SLC5A10: variants seen among roughly 807,000 people sequenced by gnomAD.
SLC5A10 encodes the protein solute carrier family 5 member 10.
A neutral mutation model predicts 68.9 loss-of-function variants in SLC5A10; 55 were observed. That is an observed-to-expected ratio of 0.80 (90% CI 0.64 to 1.00). The LOEUF (loss-of-function observed/expected upper bound fraction) is 1.00. Ranked by LOEUF, SLC5A10 falls within the 50% of genes least tolerant of loss-of-function variation. SLC5A10 has a pLI of 0.00. For missense variants in SLC5A10, 732 were observed against 819.3 expected (o/e 0.89, Z 1.30); for synonymous variants, 344 against 344.8 (o/e 1.00, Z 0.02).
rs1168277674 is a variant in SLC5A10, at chr17:19,017,125, G to A, written c.1241+1926G>A. Among the ~76,000 whole-genome samples the A allele has an allele frequency of 6.6e-6, 1 of 152,234 alleles. No individual in the cohort carries two copies. The highest frequency in any genetic ancestry group is 1.5e-5 in the Non-Finnish European group (1 of 68,040). ...CGCCCCTAGCCCTGCAAGCCTGGCA[G>A]TCGGCCTCCCTGAGGAGCAAGGCAC... On this transcript the variant is annotated intron_variant, in intron 11 of 14. Transcript: ENST00000395645. The surrounding 1 kb of genome is among the most constrained non-coding windows in gnomAD (Gnocchi z 5.6).
intron 11 of SLC5A10, 56 bp downstream of exon 11, chr17:19,015,255 G>C: frequency 8.2e-7 from 1 of 1,216,656 alleles, no homozygotes; most frequent in South Asian, 1.5e-5. Context: ...GTGGGCGCCC[G>C]CACTGACTTT....
intron 5 of SLC5A10, among the ~76,000 whole-genome samples, chr17:18,966,767 C>CA (rs1035157739): frequency 1.5e-5 from 2 of 136,916 alleles, no homozygotes; most frequent in Admixed American, 7.4e-5. Flanking sequence ...AAAAAAAAAA[C>CA]AACACTCTGC....
rs968031888 is a variant in SLC5A10 at position 18,977,521 on chromosome 17, G to A, written c.982+532G>A. ...ATGGTAGCCCAGAAGACAACAGCTC[G>A]AGCTCTTGGGTGGCTGGCAGGGAGG... On this transcript the variant is annotated intron_variant, in intron 9 of 14. Transcript: ENST00000395645. 24 of 1,494,196 alleles carry A rather than the reference G, an allele frequency of 1.6e-5. 1 individual carries two copies. Among genetic ancestry groups the A allele is most frequent in the Middle Eastern group, 3.5e-4 (2 of 5,742 alleles). 92.6% of individuals were successfully genotyped at this position (1,494,196 alleles called of 1,614,324 possible).
At chr17:18,988,526 T>C in intron 9 of SLC5A10, 1 of 1,522,784 alleles carries the variant, frequency 6.6e-7, no homozygotes, top group East Asian at 2.3e-5. Context: ...AGGTGCCCAC[T>C]CTGGCCCTAC....
At chr17:18,959,744 G>A (rs2151993267) in intron 4 of SLC5A10, 81 bp downstream of exon 4, 1 of 1,312,688 alleles carries the variant, frequency 7.6e-7, no homozygotes, top group East Asian at 2.3e-5. Context: ...GACCACCGTG[G>A]CCTCACATCA....
intron 9 of SLC5A10, among the ~76,000 whole-genome samples, chr17:18,983,807 C>A (rs568697591): frequency 2.7e-4 from 41 of 152,300 alleles, no homozygotes; most frequent in African/African-American, 9.9e-4. Flanking sequence ...AAGTATGTGA[C>A]GGCATGTAGG....
chr17:19,006,033 G>A (rs550846570), intron 9 of SLC5A10, among the ~76,000 whole-genome samples: 1 of 152,294 alleles, frequency 6.6e-6, no homozygotes, highest in Admixed American at 6.5e-5. Flanking sequence ...AATGCACAGA[G>A]GCTGGAGAGT....
At chr17:18,998,621 ACT>A (rs2043632587) in intron 9 of SLC5A10, among the ~76,000 whole-genome samples, 1 of 152,086 alleles carries the variant, frequency 6.6e-6, no homozygotes. Context: ...ACGGGCAGGC[ACT>A]CTCTCCTTAG....
At chr17:18,956,647 T>G (rs930435321) in intron 1 of SLC5A10, among the ~76,000 whole-genome samples, 10 of 151,980 alleles carry the variant, frequency 6.6e-5, no homozygotes, top group Non-Finnish European at 1.3e-4. Flanking sequence ...CAGCTAATTT[T>G]AAAACTTTTT....
chr17:18,952,551 T>C, intron 1 of SLC5A10: 1 of 476,312 alleles, frequency 2.1e-6, no homozygotes, highest in Non-Finnish European at 3.8e-6. Context: ...GGAAATTCTC[T>C]CTAACAGGTA....
chr17:19,013,218 G>A, intron 9 of SLC5A10, 192 bp from the exon 10 acceptor site: 1 of 804,058 alleles, frequency 1.2e-6, no homozygotes, highest in Non-Finnish European at 1.8e-6. Context: ...AGAACAGCAG[G>A]GAAAAGGATT....
chr17:19,018,527 C>G lies in SLC5A10; in HGVS notation c.1242-896C>G, dbSNP rs2044186760. 6.6e-6 allele frequency: 1 copy of G among 152,304 alleles called. No individual in the cohort carries two copies. Among genetic ancestry groups the G allele is most frequent in the African/African-American group, 2.4e-5 (1 of 41,436 alleles). The allele number at this position is 152,304 out of a possible 1,614,324, so 9.4% of individuals were successfully genotyped here. ...GCAGGCACCAGGTCCCACTCATCGCCGAGTTGGGGATCCTAGGGTAGTGTC... is the reference window on the plus strand; with the variant it reads ...GCAGGCACCAGGTCCCACTCATCGCGGAGTTGGGGATCCTAGGGTAGTGTC... On this transcript the variant is annotated intron_variant, in intron 11 of 14. Coordinates refer to ENST00000395645, the MANE Select transcript of SLC5A10 (RefSeq NM_001042450.4). The surrounding 1 kb of genome is among the most constrained non-coding windows in gnomAD (Gnocchi z 4.2).
In SLC5A10 at chr17:19,015,042, AC is replaced by A. The variant is rs2044105076; in HGVS notation, c.1091-3del. On this transcript the variant is annotated splice_polypyrimidine_tract_variant and splice_region_variant and intron_variant, in intron 10 of 14. Coordinates refer to ENST00000395645, the MANE Select transcript of SLC5A10 (RefSeq NM_001042450.4). The stretch of plus-strand genomic sequence containing the variant: ...GACAGGGTCACACATCCCCCGTCCC[AC>A]CCCAGGTCTGCGGGGGCTGATGATC... 6.2e-7 allele frequency: 1 copy of A among 1,611,632 alleles called. No homozygotes were observed. The highest frequency in any genetic ancestry group is 8.5e-7 in the Non-Finnish European group (1 of 1,178,328).
chr17:18,957,008 G>T (rs967112408), intron 1 of SLC5A10, among the ~76,000 whole-genome samples: 12 of 152,122 alleles, frequency 7.9e-5, no homozygotes, highest in African/African-American at 2.9e-4. Context: ...AATTAGCCAG[G>T]TGTGGTGGTG....
At position 19,000,552 on chromosome 17, in the gene SLC5A10, G is replaced by C. The variant is rs903426421; in HGVS notation, c.983-12858G>C. Among the ~76,000 whole-genome samples the C allele has an allele frequency of 6.6e-6, 1 of 152,288 alleles. No homozygotes were observed. Among genetic ancestry groups the C allele is most frequent in the African/African-American group, 2.4e-5 (1 of 41,544 alleles). ...ACACAGCCGCTCCCCTAAGTGCTGCGTCACTTCCCTGCCCCAGGGTCTGCC... is the reference window on the plus strand; with the variant it reads ...ACACAGCCGCTCCCCTAAGTGCTGCCTCACTTCCCTGCCCCAGGGTCTGCC... On this transcript the variant is annotated intron_variant, in intron 9 of 14. Transcript: ENST00000395645. This position sits in a 1 kb window ranked among gnomAD's most constrained non-coding sequence, Gnocchi z 5.2.
intron 5 of SLC5A10, among the ~76,000 whole-genome samples, chr17:18,963,972 C>T (rs575415969): frequency 2.6e-5 from 4 of 152,358 alleles, no homozygotes; most frequent in East Asian, 1.9e-4. Context: ...CTGGCCTCTG[C>T]GCTTCCATGA....
At chr17:19,011,390 G>A (rs1018485717) in intron 9 of SLC5A10, among the ~76,000 whole-genome samples, 2 of 152,218 alleles carry the variant, frequency 1.3e-5, no homozygotes, top group African/African-American at 2.4e-5. Context: ...GTGTGTGTGA[G>A]AAAATACAAG....
intron 9 of SLC5A10, among the ~76,000 whole-genome samples, chr17:19,011,604 G>C (rs1356649547): frequency 2.0e-5 from 3 of 152,146 alleles, no homozygotes; most frequent in Non-Finnish European, 4.4e-5. Context: ...AGGAGGCTGG[G>C]GAGGAGCATG....
chr17:19,015,601 G>A lies in SLC5A10; in HGVS notation c.1241+402G>A, dbSNP rs147650316. 1.2e-4 allele frequency among the ~76,000 whole-genome samples: 19 copies of A among 152,328 alleles called. No homozygotes were observed. The East Asian group carries it at 2.1e-3, about 17-fold the overall frequency. On this transcript the variant is annotated intron_variant, in intron 11 of 14. Transcript: ENST00000395645. ...GCTGCCACGTCCCTCAGCCTCCATG[G>A]CCCTGGCCCTACTGAGCTCCAGCTT...
Sources: allele counts gnomAD v4.1 joint callset (sites outside exome capture counted in the v4.1 genomes callset), GRCh38; gene constraint gnomAD v4.1.1; non-coding constraint Gnocchi (gnomAD v3.1); transcripts MANE v1.5; gene names NCBI Gene and HGNC (gene_info 2026-07-23, HGNC 2026-07-21).